The following TRPM3 variants were observed in gnomAD, a reference collection of about 807,000 sequenced individuals.
The protein encoded by TRPM3 is transient receptor potential cation channel subfamily M member 3, also known as long transient receptor potential channel 3.
In TRPM3, 77 loss-of-function variants were observed where a neutral mutation model predicts 181.2. That is an observed-to-expected ratio of 0.42 (90% CI 0.35 to 0.51). The LOEUF (loss-of-function observed/expected upper bound fraction) is 0.51. Ranked by LOEUF, TRPM3 falls within the 20% of genes least tolerant of loss-of-function variation. The probability of loss-of-function intolerance (pLI) is 0.01; values close to 1 mark genes in which losing one functional copy is unlikely to be tolerated. For synonymous variants in TRPM3, 745 were observed against 796.4 expected (o/e 0.94, Z 1.09); for missense variants, 1,759 against 2,196.7 (o/e 0.80, Z 3.98).
intron 1 of TRPM3, among the ~76,000 whole-genome samples, chr9:71,266,971 A>AAC (rs1209356151): frequency 4.2e-4 from 64 of 152,256 alleles, no homozygotes; most frequent in African/African-American, 1.4e-3. Context: ...AAAAAAAAAA[A>AAC]AAAATGTCAT....
At chr9:70,831,987 A>ATATATAAATATATATATATATATT (rs2093958471) in intron 5 of TRPM3, among the ~76,000 whole-genome samples, 1 of 127,154 alleles carries the variant, frequency 7.9e-6, no homozygotes, top group African/African-American at 2.9e-5. Context: ...ATATATATAT[A>ATATATAAATATATATATATATATT]TATATATATA....
intron 18 of TRPM3, 70 bp downstream of exon 18, chr9:70,615,838 T>G: frequency 2.4e-4 from 359 of 1,472,088 alleles, no homozygotes; most frequent in Middle Eastern, 3.6e-4. Flanking sequence ...TACTGAATCT[T>G]GAGCATATCG....
chr9:71,174,107 TTAAAA>T (rs1038592360), intron 1 of TRPM3, among the ~76,000 whole-genome samples: 2 of 152,028 alleles, frequency 1.3e-5, no homozygotes, highest in African/African-American at 4.8e-5. Flanking sequence ...CCTTCAAAAA[TTAAAA>T]TAAAGTTAGA....
At chr9:70,580,656 G>C (rs1472361878) in intron 22 of TRPM3, among the ~76,000 whole-genome samples, 1 of 152,112 alleles carries the variant, frequency 6.6e-6, no homozygotes, top group Non-Finnish European at 1.5e-5. Flanking sequence ...CATGCCTCTG[G>C]TTTTGTACAT....
intron 1 of TRPM3, among the ~76,000 whole-genome samples, chr9:71,404,540 T>C (rs1488329880): frequency 6.6e-6 from 1 of 152,224 alleles, no homozygotes; most frequent in African/African-American, 2.4e-5. Context: ...CTATGTCTTA[T>C]GTCAGACAGA....
chr9:70,611,069 G>C (rs1044157313), intron 18 of TRPM3, among the ~76,000 whole-genome samples: 4 of 152,146 alleles, frequency 2.6e-5, no homozygotes, highest in African/African-American at 9.7e-5. Flanking sequence ...GGAAGGCCAG[G>C]CTTCAGGAAT....
At chr9:71,036,966 TATG>T (rs1307423975) in intron 1 of TRPM3, among the ~76,000 whole-genome samples, 1 of 152,186 alleles carries the variant, frequency 6.6e-6, no homozygotes, top group African/African-American at 2.4e-5. Flanking sequence ...TTCAAGCATC[TATG>T]ATGATACAAA....
At chr9:70,853,042 A>C (rs1007260621) in intron 3 of TRPM3, among the ~76,000 whole-genome samples, 10 of 152,082 alleles carry the variant, frequency 6.6e-5, no homozygotes, top group Admixed American at 2.0e-4. Context: ...ACTGTGTTTG[A>C]CCTGACCATG....
intron 1 of TRPM3, among the ~76,000 whole-genome samples, chr9:71,370,813 C>G (rs186155178): frequency 6.6e-6 from 1 of 152,196 alleles, no homozygotes; most frequent in African/African-American, 2.4e-5. Flanking sequence ...ACTTTCACAG[C>G]TAGAGCAGAG....
chr9:70,855,319 A>C (rs543853354), intron 3 of TRPM3, among the ~76,000 whole-genome samples: 1 of 152,216 alleles, frequency 6.6e-6, no homozygotes, highest in Non-Finnish European at 1.5e-5. Flanking sequence ...AAAAATAATA[A>C]TAATCTTCCT....
chr9:70,625,471 A>C lies in TRPM3; in HGVS notation c.1668+11T>G, dbSNP rs781525386. ...ATATGAATGTATTATTATGCTGGTT[A>C]ATTAATTCACCTTAAAATAGATCCA... On this transcript the variant is annotated intron_variant, in intron 13 of 25. Transcript: ENST00000677713. The surrounding 1 kb of genome is among the most constrained non-coding windows in gnomAD (Gnocchi z 4.8). 7 of 1,608,930 alleles carry C rather than the reference A, an allele frequency of 4.4e-6. No homozygotes were observed. In the South Asian group the frequency reaches 7.8e-5, roughly 18 times the overall value.
chr9:70,970,193 A>T (rs2097227673), intron 1 of TRPM3, among the ~76,000 whole-genome samples: 2 of 152,148 alleles, frequency 1.3e-5, no homozygotes, highest in South Asian at 2.1e-4. Context: ...TGAATTTTAG[A>T]GTTAATGTAT....
intron 1 of TRPM3, chr9:70,917,393 C>T (rs2096608239): frequency 2.2e-6 from 2 of 893,680 alleles, no homozygotes; most frequent in Admixed American, 3.5e-5. Flanking sequence ...CTTCCAAGAG[C>T]TCAGTGGGGA....
intron 1 of TRPM3, among the ~76,000 whole-genome samples, chr9:71,212,894 G>T (rs952034578): frequency 6.6e-6 from 1 of 152,084 alleles, no homozygotes; most frequent in African/African-American, 2.4e-5. Context: ...TCACAGGAAA[G>T]ACTGATGACA....
At chr9:70,911,239 A>G (rs1304863295) in intron 1 of TRPM3, among the ~76,000 whole-genome samples, 1 of 152,152 alleles carries the variant, frequency 6.6e-6, no homozygotes, top group Non-Finnish European at 1.5e-5. Context: ...TTTGGAAAGG[A>G]TTTTATTATT....
intron 22 of TRPM3, among the ~76,000 whole-genome samples, chr9:70,574,630 G>T (rs2053440365): frequency 6.6e-6 from 1 of 152,186 alleles, no homozygotes; most frequent in South Asian, 2.1e-4. Flanking sequence ...AGCTCCCAAG[G>T]AGGCAGGAGC....
chr9:70,782,844 G>A (rs1246631320), intron 7 of TRPM3, among the ~76,000 whole-genome samples: 4 of 151,986 alleles, frequency 2.6e-5, no homozygotes, highest in Non-Finnish European at 4.4e-5. Context: ...GAGGCTCAAT[G>A]CCTCTTGTTA....
intron 22 of TRPM3, among the ~76,000 whole-genome samples, chr9:70,585,381 A>G (rs181087377): frequency 1.2e-4 from 18 of 151,784 alleles, no homozygotes; most frequent in Admixed American, 1.2e-3. Flanking sequence ...GGCATTAACC[A>G]TCACGGTGGT....
At chr9:71,155,240 AG>A (rs1383044970) in intron 1 of TRPM3, among the ~76,000 whole-genome samples, 1 of 152,132 alleles carries the variant, frequency 6.6e-6, no homozygotes, top group East Asian at 1.9e-4. Flanking sequence ...ACTGAACAAA[AG>A]TCTATCCTAA....
Sources: gnomAD v4.1 joint callset for allele counts (sites outside exome capture counted in the v4.1 genomes callset) on GRCh38, gnomAD v4.1.1 for gene constraint, Gnocchi (gnomAD v3.1) non-coding constraint, MANE v1.5 for transcripts, NCBI Gene and HGNC (gene_info 2026-07-23, HGNC 2026-07-21) for gene names.